Variants in GTF2E2 observed in about 807,000 individuals in gnomAD.
GTF2E2 encodes general transcription factor IIE subunit 2, also known as transcription initiation factor IIE subunit beta.
Under a neutral mutation model 40.5 loss-of-function variants are expected in GTF2E2, and 21 were observed. That is an observed-to-expected ratio of 0.52 (90% confidence interval 0.37 to 0.75). The LOEUF (loss-of-function observed/expected upper bound fraction) is 0.75, where lower values mean the gene tolerates loss of function less well. GTF2E2 is among the 30% of genes least tolerant of loss of function. GTF2E2 has a pLI of 0.00. For synonymous variants in GTF2E2, 117 were observed against 121.6 expected, an observed-to-expected ratio of 0.96 and a Z score of 0.25; for missense variants, 298 against 338.4, an observed-to-expected ratio of 0.88 and a Z score of 0.94.
chr8:30,637,631 C>G (rs1182760563), intron 2 of GTF2E2, among the ~76,000 whole-genome samples: 1 of 152,160 alleles, frequency 6.6e-6, no homozygotes. Flanking sequence ...TCAAGCAATT[C>G]TCCTGCCTCA....
At chr8:30,593,104 G>C (rs1389596783) in intron 6 of GTF2E2, among the ~76,000 whole-genome samples, 1 of 152,182 alleles carries the variant, frequency 6.6e-6, no homozygotes, top group East Asian at 1.9e-4. Flanking sequence ...TGAGGCAGGA[G>C]AATCACTTGA....
chr8:30,601,560 C>T (rs1829181355), intron 6 of GTF2E2, among the ~76,000 whole-genome samples: 1 of 152,168 alleles, frequency 6.6e-6, no homozygotes, highest in South Asian at 2.1e-4. Flanking sequence ...AACTACTCAA[C>T]CAACCCCAAA....
At chr8:30,620,239 A>AACACAAACAC (rs61566167) in intron 3 of GTF2E2, among the ~76,000 whole-genome samples, 60,375 of 150,360 alleles carry the variant, frequency 0.4, 13,317 homozygotes, top group South Asian at 0.56. Flanking sequence ...CACACACACA[A>AACACAAACAC]ACACACACAC....
chr8:30,636,554 CTTAA>C (rs576576675), intron 2 of GTF2E2, among the ~76,000 whole-genome samples: 7 of 152,206 alleles, frequency 4.6e-5, no homozygotes, highest in Admixed American at 1.3e-4. Context: ...TTGTTACAAT[CTTAA>C]TTAATTGGCA....
chr8:30,606,268 G>A (rs547891859), intron 6 of GTF2E2, among the ~76,000 whole-genome samples: 1 of 152,284 alleles, frequency 6.6e-6, no homozygotes, highest in African/African-American at 2.4e-5. Flanking sequence ...CCTAAAACAA[G>A]TTCAGGGAAA....
chr8:30,625,960 T>C (rs1801260110), intron 3 of GTF2E2, among the ~76,000 whole-genome samples: 1 of 152,190 alleles, frequency 6.6e-6, no homozygotes, highest in South Asian at 2.1e-4. Context: ...GTAAGCTCTA[T>C]ATGGCACAAA....
intron 6 of GTF2E2, among the ~76,000 whole-genome samples, chr8:30,585,985 G>A (rs1585933663): frequency 6.6e-6 from 1 of 151,994 alleles, no homozygotes; most frequent in African/African-American, 2.4e-5. Context: ...AGGAGACTGA[G>A]GTGGGAAGAG....
rs1305512571 is a variant in GTF2E2, at chr8:30,626,818, A to G, written c.258+8214T>C. Among the ~76,000 whole-genome samples the G allele has an allele frequency of 2.0e-5, 3 of 152,242 alleles. No individual in the cohort carries two copies. The East Asian group carries it at 5.8e-4, about 29-fold the overall frequency. ...CTAGGTTAGTAATCCAAAGAGTCCT[A>G]TTCCATTGTGCAGCATCTGTGGCAA... is the stretch of plus-strand genomic sequence containing the variant. On this transcript the variant is annotated intron_variant, in intron 3 of 7. Transcript: ENST00000355904.
intron 2 of GTF2E2, among the ~76,000 whole-genome samples, chr8:30,650,524 T>TA (rs1240504656): frequency 2.9e-4 from 12 of 41,874 alleles, no homozygotes; most frequent in Non-Finnish European, 1.3e-4. Context: ...ACCCCATCTC[T>TA]ACCAAAAAAA....
chr8:30,583,785 A>ATTTATTTATTTATTTTATTTATTTAT (rs1308539730), intron 6 of GTF2E2, among the ~76,000 whole-genome samples: 2 of 151,884 alleles, frequency 1.3e-5, no homozygotes, highest in African/African-American at 4.8e-5. Context: ...ATCAGTATTT[A>ATTTATTTATTTATTTTATTTATTTAT]TTTATTTATT....
intron 6 of GTF2E2, among the ~76,000 whole-genome samples, chr8:30,599,466 C>A (rs922050607): frequency 2.6e-5 from 4 of 151,808 alleles, no homozygotes; most frequent in Non-Finnish European, 5.9e-5. Context: ...CTAATCCCAG[C>A]TACTCGGGAG....
intron 3 of GTF2E2, among the ~76,000 whole-genome samples, chr8:30,619,744 A>G (rs1036603032): frequency 6.6e-6 from 1 of 152,016 alleles, no homozygotes; most frequent in Non-Finnish European, 1.5e-5. Context: ...GATTAAAATA[A>G]ATCAGTGTCA....
intron 6 of GTF2E2, among the ~76,000 whole-genome samples, chr8:30,600,254 A>G (rs935814737): frequency 2.6e-5 from 4 of 152,224 alleles, no homozygotes; most frequent in Admixed American, 1.3e-4. Flanking sequence ...CTGTTTAACC[A>G]AACACAAAAC....
At chr8:30,624,932 T>TA (rs1365942856) in intron 3 of GTF2E2, among the ~76,000 whole-genome samples, 2 of 151,522 alleles carry the variant, frequency 1.3e-5, no homozygotes, top group Non-Finnish European at 2.9e-5. Flanking sequence ...GTTTTCTAGA[T>TA]ATACAATCAT....
At chr8:30,588,100 G>C (rs1388410339) in intron 6 of GTF2E2, among the ~76,000 whole-genome samples, 1 of 152,144 alleles carries the variant, frequency 6.6e-6, no homozygotes, top group African/African-American at 2.4e-5. Flanking sequence ...GTAGCAGAGG[G>C]AACACCTGTA....
At chr8:30,585,742 G>C (rs1218999752) in intron 6 of GTF2E2, among the ~76,000 whole-genome samples, 2 of 126,950 alleles carry the variant, frequency 1.6e-5, no homozygotes, top group African/African-American at 5.9e-5. Context: ...TGGTGTTCTA[G>C]TGTTAGCATT....
intron 2 of GTF2E2, among the ~76,000 whole-genome samples, chr8:30,650,490 G>A (rs1374099054): frequency 1.5e-5 from 2 of 133,820 alleles, no homozygotes; most frequent in African/African-American, 2.9e-5. Context: ...GGGAGTTTGA[G>A]ACCCACCTGG....
At chr8:30,611,999 C>G (rs1305001463) in intron 5 of GTF2E2, among the ~76,000 whole-genome samples, 1 of 152,172 alleles carries the variant, frequency 6.6e-6, no homozygotes, top group Admixed American at 6.5e-5. Flanking sequence ...CTCTTATTTA[C>G]AAACAGAGCT....
intron 3 of GTF2E2, among the ~76,000 whole-genome samples, chr8:30,630,539 C>T (rs1479446674): frequency 6.6e-6 from 1 of 152,088 alleles, no homozygotes; most frequent in African/African-American, 2.4e-5. Flanking sequence ...GGAGACTTTC[C>T]AAGAATCTGT....
Sources: allele counts gnomAD v4.1 joint callset (sites outside exome capture counted in the v4.1 genomes callset), GRCh38; gene constraint gnomAD v4.1.1; transcripts MANE v1.5; gene names NCBI Gene and HGNC (gene_info 2026-07-23, HGNC 2026-07-21).